KDM1B: variants seen among roughly 807,000 people sequenced by gnomAD.
The protein encoded by KDM1B is lysine-specific histone demethylase 2.
KDM1B carries 63 observed loss-of-function variants against 107.4 expected under a neutral mutation model. That is an observed-to-expected ratio of 0.59 (90% CI 0.48 to 0.72). The LOEUF (loss-of-function observed/expected upper bound fraction) is 0.72. Ranked by LOEUF, KDM1B falls within the 30% of genes least tolerant of loss-of-function variation. KDM1B has a pLI of 0.00. For synonymous variants in KDM1B, 363 were observed against 363.9 expected (o/e 1.00, Z 0.03); for missense variants, 749 against 1,020.8 (o/e 0.73, Z 3.63).
chr6:18,191,223 C>A lies in KDM1B; in HGVS notation c.811C>A (p.Pro271Thr), dbSNP rs1470563772. 6.4e-7 allele frequency: 1 copy of A among 1,550,564 alleles called. No individual in the cohort carries two copies. Among genetic ancestry groups the A allele is most frequent in the South Asian group, 1.2e-5 (1 of 84,060 alleles). Residue 271 changes from proline to threonine, a missense_variant, in exon 10 of 22, where the codon CCT becomes ACT. Pro to Thr is a conservative substitution (Grantham distance 38). Transcript: ENST00000650836. The surrounding 1 kb of genome is among the most constrained non-coding windows in gnomAD (Gnocchi z 5.1). ...HVPGMNRYFQ[P>T]FYQPNECGKA... Reference sequence around the variant, plus strand: ...TCCAGGCATGAACCGATACTTCCAGCCTTTCTACCAGCCCAATGAGTGTGG... The same window carrying A: ...TCCAGGCATGAACCGATACTTCCAGACTTTCTACCAGCCCAATGAGTGTGG...
At position 18,222,138 on chromosome 6, in the gene KDM1B, A is replaced by G; in HGVS notation, c.*146A>G. ...TAAGGCGATATGATAATGCAAACCTATTTCATCACTCTAAAAGCACTGACC... is the reference window on the plus strand; with the variant it reads ...TAAGGCGATATGATAATGCAAACCTGTTTCATCACTCTAAAAGCACTGACC... On this transcript the variant is annotated 3_prime_UTR_variant, in exon 22 of 22. Transcript: ENST00000650836. 1.3e-6 allele frequency: 1 copy of G among 768,878 alleles called. No individual in the cohort carries two copies. Among genetic ancestry groups the G allele is most frequent in the Non-Finnish European group, 2.3e-6 (1 of 433,976 alleles). 47.6% of individuals were successfully genotyped at this position (768,878 alleles called of 1,614,324 possible). A position where few individuals can be genotyped will look rare whatever the true frequency, so the allele number is the denominator to read the frequency against.
chr6:18,194,646 T>G (rs1028529788), intron 10 of KDM1B, among the ~76,000 whole-genome samples: 2 of 152,078 alleles, frequency 1.3e-5, no homozygotes, highest in African/African-American at 2.4e-5. Context: ...TAACATAAAA[T>G]TTACCATATT....
intron 21 of KDM1B, among the ~76,000 whole-genome samples, chr6:18,218,348 C>T (rs574221384): frequency 7.2e-5 from 11 of 152,120 alleles, no homozygotes; most frequent in South Asian, 2.1e-4. Context: ...GCCTCAAACC[C>T]GTGGCCTTAA....
intron 12 of KDM1B, among the ~76,000 whole-genome samples, chr6:18,199,439 C>T (rs1238582900): frequency 6.6e-6 from 1 of 152,122 alleles, no homozygotes; most frequent in Non-Finnish European, 1.5e-5. Context: ...GGAACCTCTC[C>T]TTGAGAATTT....
At chr6:18,193,194 T>TA (rs541938365) in intron 10 of KDM1B, among the ~76,000 whole-genome samples, 8,592 of 59,818 alleles carry the variant, frequency 0.14, 1,044 homozygotes, top group African/African-American at 0.35. Flanking sequence ...AAACTCTGTC[T>TA]AAAAAAAAAA....
chr6:18,221,324 T>G (rs1170744055), intron 21 of KDM1B, among the ~76,000 whole-genome samples: 1 of 152,144 alleles, frequency 6.6e-6, no homozygotes, highest in Non-Finnish European at 1.5e-5. Flanking sequence ...AATTCAGGCC[T>G]CCTCCTATCC....
At position 18,211,608 on chromosome 6, in the gene KDM1B, T is replaced by C. The variant is rs1225681748; in HGVS notation, c.1867-880T>C. ...CATGCATGTTGCTGGTGCACGTGGTTCTGTATGTGGCATGATTCTGGAGCT... is the reference window on the plus strand; with the variant it reads ...CATGCATGTTGCTGGTGCACGTGGTCCTGTATGTGGCATGATTCTGGAGCT... On this transcript the variant is annotated intron_variant, in intron 17 of 21. Transcript: ENST00000650836. This position sits in a 1 kb window ranked among gnomAD's most constrained non-coding sequence, Gnocchi z 5.2. 6.6e-6 allele frequency: 1 copy of C among 152,314 alleles called. No individual in the cohort carries two copies. Among genetic ancestry groups the C allele is most frequent in the East Asian group, 1.9e-4 (1 of 5,196 alleles). The allele number at this position is 152,314 out of a possible 1,614,324, so 9.4% of individuals were successfully genotyped here. A position where few individuals can be genotyped will look rare whatever the true frequency, so the allele number is the denominator to read the frequency against.
In KDM1B at chr6:18,197,266, C is replaced by T. The variant is rs749317082; in HGVS notation, c.1146+33C>T. The T allele has an allele frequency of 9.5e-6, 15 of 1,585,406 alleles. No individual in the cohort carries two copies. The highest frequency in any genetic ancestry group is 3.4e-5 in the Admixed American group (2 of 58,272). ...ATTATAGCTTTAGCGATAGCCTTGC[C>T]ATTGATCAGGACAAACGCTAGTCTG... On this transcript the variant is annotated intron_variant, in intron 11 of 21. Coordinates refer to ENST00000650836, the MANE Select transcript of KDM1B (RefSeq NM_001364614.2). The surrounding 1 kb of genome is among the most constrained non-coding windows in gnomAD (Gnocchi z 4.5).
Position 18,217,804 on chromosome 6 carries a change from T to C in KDM1B, c.2304T>C (p.Ser768=). Residue 768 remains serine (S), a synonymous_variant, in exon 21 of 22, where the codon AGT becomes AGC. Coordinates refer to ENST00000650836, the MANE Select transcript of KDM1B (RefSeq NM_001364614.2). ...STDPWIQMAY[S]FVKTGGSGEA... ...ACCCATGGATCCAGATGGCATACAGTTTTGTGAAGACAGGTGGAAGTGGGG... is the reference window on the plus strand; with the variant it reads ...ACCCATGGATCCAGATGGCATACAGCTTTGTGAAGACAGGTGGAAGTGGGG... 6.2e-7 allele frequency: 1 copy of C among 1,614,010 alleles called. No individual in the cohort carries two copies. Among genetic ancestry groups the C allele is most frequent in the African/African-American group, 1.3e-5 (1 of 75,020 alleles).
intron 12 of KDM1B, among the ~76,000 whole-genome samples, chr6:18,198,875 A>C (rs979788286): frequency 6.6e-6 from 1 of 151,354 alleles, no homozygotes; most frequent in African/African-American, 2.4e-5. Context: ...CTAAAAAAAA[A>C]ACTAGAAATG....
At chr6:18,193,718 G>A (rs74510058) in intron 10 of KDM1B, among the ~76,000 whole-genome samples, 2,731 of 152,130 alleles carry the variant, frequency 0.018, 43 homozygotes, top group African/African-American at 0.05. Flanking sequence ...GGAGCTGGGG[G>A]GTTGGTGACA....
rs199551471 is a variant in KDM1B, at chr6:18,223,026, CTT to C, written c.*1041_*1042del. ...GAACATGGCAAGTATTTACTTTTAT[CTT>C]TTTTTTAAAAACACTCATGACAGAA... On this transcript the variant is annotated 3_prime_UTR_variant, in exon 22 of 22. Coordinates refer to ENST00000650836, the MANE Select transcript of KDM1B (RefSeq NM_001364614.2). The C allele has an allele frequency of 6.6e-6, 1 of 152,304 alleles. No individual in the cohort carries two copies. The highest frequency in any genetic ancestry group is 2.4e-5 in the African/African-American group (1 of 41,372). The allele number at this position is 152,304 out of a possible 1,614,324, so 9.4% of individuals were successfully genotyped here.
intron 7 of KDM1B, among the ~76,000 whole-genome samples, chr6:18,181,962 T>C (rs1438153980): frequency 6.6e-6 from 1 of 152,220 alleles, no homozygotes; most frequent in Non-Finnish European, 1.5e-5. Context: ...TCTATAACTG[T>C]ATTCCCTCCA....
At position 18,205,724 on chromosome 6, in the gene KDM1B, T is replaced by C; in HGVS notation, c.1659+60T>C. On this transcript the variant is annotated intron_variant, in intron 15 of 21. Transcript: ENST00000650836. The surrounding 1 kb of genome is among the most constrained non-coding windows in gnomAD (Gnocchi z 5.7). ...AATACTTGGTTTAGGCCGGGCGCAG[T>C]GGCTCACGCCTGTAATCCCAGCACT... The C allele has an allele frequency of 7.0e-7, 1 of 1,428,540 alleles. No individual in the cohort carries two copies. The highest frequency in any genetic ancestry group is 1.5e-5 in the South Asian group (1 of 67,240). The allele number at this position is 1,428,540 out of a possible 1,614,324, so 88.5% of individuals were successfully genotyped here.
Position 18,213,523 on chromosome 6 carries a change from A to G in KDM1B, c.1984-133A>G. The G allele has an allele frequency of 2.5e-6, 2 of 796,960 alleles. No individual in the cohort carries two copies. Among genetic ancestry groups the G allele is most frequent in the Non-Finnish European group, 4.1e-6 (2 of 482,430 alleles). The allele number at this position is 796,960 out of a possible 1,614,324, so 49.4% of individuals were successfully genotyped here. ...GAAAAAAGGAGGTGAGGAGAATGGA[A>G]AGAGCGGTATTTGGGGTTGTTCTTT... On this transcript the variant is annotated intron_variant, in intron 18 of 21. Coordinates refer to ENST00000650836, the MANE Select transcript of KDM1B (RefSeq NM_001364614.2). This position sits in a 1 kb window ranked among gnomAD's most constrained non-coding sequence, Gnocchi z 5.9.
rs1245282773 is a variant in KDM1B at position 18,215,040 on chromosome 6, G to C, written c.2143G>C (p.Gly715Arg). 6.2e-7 allele frequency: 1 copy of C among 1,613,822 alleles called. No homozygotes were observed. The highest frequency in any genetic ancestry group is 1.7e-5 in the Admixed American group (1 of 60,018). The change falls in exon 20 of 22, where the codon GGG becomes CGG. Residue 715 changes from glycine to arginine, a missense_variant. Gly to Arg is a moderately radical substitution (Grantham distance 125). Transcript: ENST00000650836. ...KHSVLMSVIA[G>R]EAVASVRTLD... ...CAGCGTGCTGATGTCTGTGATTGCC[G>C]GGGAGGCTGTCGCATCCGTGAGGAC...
chr6:18,221,394 G>C (rs954076509), intron 21 of KDM1B, among the ~76,000 whole-genome samples: 4 of 152,090 alleles, frequency 2.6e-5, no homozygotes, highest in African/African-American at 9.7e-5. Flanking sequence ...CCTTGAGTGA[G>C]GTTCTCCTAT....
chr6:18,156,122 C>A (rs1784585692), intron 2 of KDM1B, among the ~76,000 whole-genome samples, 196 bp downstream of exon 2: 1 of 152,188 alleles, frequency 6.6e-6, no homozygotes, highest in Non-Finnish European at 1.5e-5. Context: ...GCCAGGAGCC[C>A]GCACAGCCTT....
At chr6:18,181,081 G>A (rs1582125598) in intron 7 of KDM1B, among the ~76,000 whole-genome samples, 2 of 152,058 alleles carry the variant, frequency 1.3e-5, no homozygotes, top group East Asian at 3.9e-4. Context: ...AAAACTCGAA[G>A]GTTTTCTGTA....
Sources: gnomAD v4.1 joint callset for allele counts (sites outside exome capture counted in the v4.1 genomes callset) on GRCh38, gnomAD v4.1.1 for gene constraint, Gnocchi (gnomAD v3.1) non-coding constraint, MANE v1.5 for transcripts, NCBI Gene and HGNC (gene_info 2026-07-23, HGNC 2026-07-21) for gene names.